Variants in TENM3 observed in about 807,000 individuals in gnomAD.
TENM3 encodes teneurin transmembrane protein 3.
In TENM3, 63 loss-of-function variants were observed where a neutral mutation model predicts 255.1. That is an observed-to-expected ratio of 0.25 (90% CI 0.20 to 0.30). The LOEUF (loss-of-function observed/expected upper bound fraction) is 0.30, where lower values mean the gene tolerates loss of function less well. Ranked by LOEUF, TENM3 falls within the 10% of genes least tolerant of loss-of-function variation. The pLI, the probability that TENM3 is intolerant of heterozygous loss-of-function variation, is 1.00. For missense variants in TENM3, 2,929 were observed against 3,461.1 expected, an observed-to-expected ratio of 0.85 and a Z score of 3.86; for synonymous variants, 1,306 against 1,322.3, an observed-to-expected ratio of 0.99 and a Z score of 0.27.
At chr4:182,195,151 A>G (rs1361551897) in intron 1 of TENM3, among the ~76,000 whole-genome samples, 3 of 152,132 alleles carry the variant, frequency 2.0e-5, no homozygotes, top group Admixed American at 2.0e-4. Context: ...GTGAGGGCAT[A>G]TAACATGAGC....
intron 1 of TENM3, among the ~76,000 whole-genome samples, chr4:182,196,970 G>C (rs1753869054): frequency 2.0e-5 from 3 of 152,074 alleles, no homozygotes; most frequent in African/African-American, 7.2e-5. Context: ...CTCAGGACCT[G>C]ACTCCTTGAA....
chr4:181,736,963 G>T, the TENM3 span, among the ~76,000 whole-genome samples: 1 of 152,072 alleles, frequency 6.6e-6, no homozygotes, highest in Non-Finnish European at 1.5e-5. Flanking sequence ...TCCTGGGGTG[G>T]TGAGAGTCTT....
chr4:182,020,057 T>A, the TENM3 span, among the ~76,000 whole-genome samples: 17 of 152,098 alleles, frequency 1.1e-4, 1 homozygote, highest in South Asian at 3.5e-3. Context: ...TTTAACGTAT[T>A]TGGCTGTGTT....
intron 3 of TENM3, among the ~76,000 whole-genome samples, chr4:182,544,811 ATAT>A (rs1362913802): frequency 2.0e-5 from 3 of 152,210 alleles, no homozygotes; most frequent in Non-Finnish European, 4.4e-5. Context: ...GGAGTCAAAT[ATAT>A]GCCCACACTG....
At chr4:182,047,500 T>G in the TENM3 span, among the ~76,000 whole-genome samples, 5 of 134,516 alleles carry the variant, frequency 3.7e-5, no homozygotes, top group East Asian at 1.1e-3. Flanking sequence ...AGGTGGAGAT[T>G]GCAGTGAGCC....
the TENM3 span, among the ~76,000 whole-genome samples, chr4:181,940,749 T>C: frequency 6.6e-6 from 1 of 152,158 alleles, no homozygotes; most frequent in African/African-American, 2.4e-5. Flanking sequence ...GTCAGTTTAG[T>C]GTGGCAGAGG....
At chr4:182,342,514 C>A (rs1356527315) in intron 2 of TENM3, among the ~76,000 whole-genome samples, 1 of 152,074 alleles carries the variant, frequency 6.6e-6, no homozygotes. Context: ...TATAAGGTGT[C>A]TTTTTAGGGT....
the TENM3 span, among the ~76,000 whole-genome samples, chr4:181,793,176 A>T: frequency 6.6e-6 from 1 of 152,170 alleles, no homozygotes; most frequent in South Asian, 2.1e-4. Context: ...CGCTAGACTC[A>T]TTCATGCATC....
intron 3 of TENM3, among the ~76,000 whole-genome samples, chr4:182,356,070 C>CAAT (rs1765504359): frequency 6.6e-6 from 1 of 151,200 alleles, no homozygotes; most frequent in Non-Finnish European, 1.5e-5. Flanking sequence ...CTAAGCTCAC[C>CAAT]AATATTTAAC....
At chr4:181,620,277 TA>T in the TENM3 span, among the ~76,000 whole-genome samples, 248 of 114,340 alleles carry the variant, frequency 2.2e-3, no homozygotes, top group Middle Eastern at 4.6e-3. Context: ...AAAATAAAAA[TA>T]AAATAAAATA....
chr4:182,298,298 G>A (rs1254868114), intron 1 of TENM3, among the ~76,000 whole-genome samples: 3 of 152,162 alleles, frequency 2.0e-5, no homozygotes, highest in Admixed American at 2.0e-4. Flanking sequence ...CTGAGAAATA[G>A]TTGTTGGATA....
intron 22 of TENM3, among the ~76,000 whole-genome samples, chr4:182,764,116 GAA>G (rs2152773443): frequency 6.6e-6 from 1 of 152,338 alleles, no homozygotes; most frequent in South Asian, 2.1e-4. Flanking sequence ...AAAAGAAAAT[GAA>G]AGTCTTTTCC....
chr4:182,387,539 C>T (rs950901269), intron 3 of TENM3, among the ~76,000 whole-genome samples: 2 of 152,226 alleles, frequency 1.3e-5, no homozygotes, highest in African/African-American at 4.8e-5. Context: ...CTTGGGTCCC[C>T]TTCCACACTA....
At chr4:181,839,454 A>T in the TENM3 span, among the ~76,000 whole-genome samples, 16 of 146,142 alleles carry the variant, frequency 1.1e-4, no homozygotes, top group African/African-American at 4.0e-4. Flanking sequence ...GCATTGATAT[A>T]TATATCTATA....
the TENM3 span, among the ~76,000 whole-genome samples, chr4:181,527,693 A>G: frequency 6.6e-6 from 1 of 151,490 alleles, no homozygotes; most frequent in Admixed American, 6.6e-5. Flanking sequence ...ATAAATACAT[A>G]TGTATATATG....
chr4:181,676,293 G>A, the TENM3 span, among the ~76,000 whole-genome samples: 1 of 152,116 alleles, frequency 6.6e-6, no homozygotes, highest in Non-Finnish European at 1.5e-5. Context: ...AAAATAGGGA[G>A]TAGGGGAGGA....
the TENM3 span, among the ~76,000 whole-genome samples, chr4:181,654,018 A>G: frequency 6.6e-6 from 1 of 151,872 alleles, no homozygotes; most frequent in African/African-American, 2.4e-5. Context: ...AGGCTGGCAA[A>G]CTGAGTAGCA....
chr4:182,293,760 G>T (rs1407352746), intron 1 of TENM3, among the ~76,000 whole-genome samples: 1 of 118,016 alleles, frequency 8.5e-6, no homozygotes, highest in African/African-American at 2.9e-5. Flanking sequence ...CGCCCACCCC[G>T]AGTCCCTTCC....
chr4:181,896,946 C>G, the TENM3 span, among the ~76,000 whole-genome samples: 2 of 152,174 alleles, frequency 1.3e-5, no homozygotes, highest in Non-Finnish European at 2.9e-5. Context: ...CTGCGGGAGA[C>G]CTTCTTCCTG....
Sources: gnomAD v4.1 joint callset for allele counts (sites outside exome capture counted in the v4.1 genomes callset) on GRCh38, gnomAD v4.1.1 for gene constraint, MANE v1.5 for transcripts, NCBI Gene and HGNC (gene_info 2026-07-23, HGNC 2026-07-21) for gene names.